The following DHX8 variants were observed in gnomAD, a reference collection of about 807,000 sequenced individuals.
The protein encoded by DHX8 is DEAH-box helicase 8.
In DHX8, 67 loss-of-function variants were observed where a neutral mutation model predicts 140.7. That is an observed-to-expected ratio of 0.48 (90% CI 0.39 to 0.58). The LOEUF (loss-of-function observed/expected upper bound fraction) is 0.58. DHX8 is among the 20% of genes least tolerant of loss of function. DHX8 has a pLI of 0.00. For synonymous variants in DHX8, 533 were observed against 553.2 expected (o/e 0.96, Z 0.51); for missense variants, 887 against 1,550.7 (o/e 0.57, Z 7.19).
chr17:43,521,277 T>C, intron 20 of DHX8, 92 bp from the exon 21 acceptor site: 2 of 1,099,738 alleles, frequency 1.8e-6, no homozygotes, highest in Middle Eastern at 2.8e-4. Flanking sequence ...GTGGACACTT[T>C]TGATAGGGTC....
At chr17:43,536,401 C>T in intron 2 of DHX8, 1 of 1,609,336 alleles carries the variant, frequency 6.2e-7, no homozygotes, top group East Asian at 2.2e-5. Context: ...CTCCCTATAC[C>T]CTCTCCCCAG....
rs147976544 is a variant in DHX8 at position 43,497,445 on chromosome 17, C to T, written c.1300+1177C>T. On this transcript the variant is annotated intron_variant, in intron 9 of 22. Coordinates refer to ENST00000262415, the MANE Select transcript of DHX8 (RefSeq NM_004941.3). ...CTTATGTGCAAAATGTTCTTTTTTC[C>T]CTAAATGCATAGAATTACTGGGTAG... Among the ~76,000 whole-genome samples the T allele has an allele frequency of 3.0e-3, 462 of 151,832 alleles. 3 individuals carry two copies. The highest frequency in any genetic ancestry group is 0.01 in the African/African-American group (432 of 41,438).
intron 11 of DHX8, among the ~76,000 whole-genome samples, chr17:43,501,073 A>G (rs1969166136): frequency 6.6e-6 from 1 of 152,098 alleles, no homozygotes; most frequent in South Asian, 2.1e-4. Flanking sequence ...AACAGATATG[A>G]TCCCTGCTTT....
At chr17:43,526,766 G>A, downstream of DHX8, 1 of 1,191,872 alleles carries the variant, frequency 8.4e-7, no homozygotes, top group Non-Finnish European at 1.1e-6. Flanking sequence ...GCTTTAATGT[G>A]GAATTAAATT....
intron 19 of DHX8, 151 bp from the exon 20 acceptor site, chr17:43,520,600 C>A: frequency 2.3e-6 from 2 of 886,536 alleles, no homozygotes; most frequent in East Asian, 2.6e-5. Flanking sequence ...GAATAAACAA[C>A]AGCATTCTTC....
In DHX8 at chr17:43,520,880, G is replaced by A; in HGVS notation, c.3066+1G>A. 6.2e-7 allele frequency: 1 copy of A among 1,606,732 alleles called. No homozygotes were observed. Among genetic ancestry groups the A allele is most frequent in the Non-Finnish European group, 8.5e-7 (1 of 1,177,032 alleles). The stretch of plus-strand genomic sequence containing the variant: ...GCAGAACGTCTTCTATAGGCCCAAG[G>A]TAGGAAGTTCAGATCCAAGTTTAGA... On this transcript the variant is annotated splice_donor_variant, in intron 20 of 22. Coordinates refer to ENST00000262415, the MANE Select transcript of DHX8 (RefSeq NM_004941.3). LOFTEE classifies it high-confidence loss of function.
chr17:43,499,929 A>G, intron 10 of DHX8, 27 bp from the exon 11 acceptor site: 2 of 1,611,966 alleles, frequency 1.2e-6, no homozygotes, highest in Non-Finnish European at 1.7e-6. Flanking sequence ...CATTTAATCC[A>G]TGTTGTTTTT....
chr17:43,507,104 G>A lies in DHX8; in HGVS notation c.1830G>A (p.Arg610=), dbSNP rs1030467213. The A allele has an allele frequency of 1.9e-6, 3 of 1,614,036 alleles. No individual in the cohort carries two copies. Among genetic ancestry groups the A allele is most frequent in the Non-Finnish European group, 2.5e-6 (3 of 1,180,018 alleles). ...TGGCGGAGGCAGGCTACACTTCCAG[G>A]GGCAAGATTGGGTGTACCCAGCCCA... The part of the protein sequence containing the change: ...QYLAEAGYTS[R]GKIGCTQPRR... Residue 610 remains arginine (R), a synonymous_variant, in exon 13 of 23, where the codon AGG becomes AGA. Coordinates refer to ENST00000262415, the MANE Select transcript of DHX8 (RefSeq NM_004941.3).
At chr17:43,517,461 G>T (rs908488187) in intron 18 of DHX8, 139 bp downstream of exon 18, 1 of 1,020,418 alleles carries the variant, frequency 9.8e-7, no homozygotes, top group South Asian at 1.8e-5. Flanking sequence ...AATGCAAATG[G>T]CTGTGATAAC....
intron 3 of DHX8, among the ~76,000 whole-genome samples, chr17:43,541,269 G>A (rs1014292759): frequency 1.3e-5 from 2 of 152,150 alleles, no homozygotes; most frequent in South Asian, 2.1e-4. Context: ...ACTGAGCCTC[G>A]CGTTCCTGGA....
At chr17:43,526,808 G>C (rs1217397954), downstream of DHX8, 2 of 858,336 alleles carry the variant, frequency 2.3e-6, no homozygotes, top group Non-Finnish European at 1.6e-6. Context: ...TTAAAATTTT[G>C]TTTCTTGCAC....
downstream of DHX8, among the ~76,000 whole-genome samples, chr17:43,531,560 T>A (rs186657504): frequency 2.9e-4 from 44 of 152,192 alleles, 1 homozygote; most frequent in Admixed American, 2.3e-3. Context: ...AAAAACTAGC[T>A]GGGCATGGTG....
Position 43,492,836 on chromosome 17 carries a change from C to CTAGATATCG in DHX8, c.660_668dup (p.Arg221_Arg223dup). On this transcript the variant is annotated inframe_insertion, in exon 6 of 23. Coordinates refer to ENST00000262415, the MANE Select transcript of DHX8 (RefSeq NM_004941.3). ...ACCCGGGAGAGGAATAAAGTGAAGT[C>CTAGATATCG]TAGATATCGGTCCAGGAGCAGGAGT... The CTAGATATCG allele has an allele frequency of 6.2e-7, 1 of 1,614,066 alleles. No homozygotes were observed.
intron 8 of DHX8, among the ~76,000 whole-genome samples, chr17:43,495,434 A>G (rs1298981812): frequency 6.6e-6 from 1 of 152,132 alleles, no homozygotes; most frequent in African/African-American, 2.4e-5. Flanking sequence ...ACATGCCACC[A>G]TGCCTGGCTA....
chr17:43,508,590 G>T, intron 16 of DHX8, 70 bp downstream of exon 16: 12 of 1,022,440 alleles, frequency 1.2e-5, no homozygotes, highest in South Asian at 1.5e-5. Flanking sequence ...GTCAGCCATA[G>T]TAGGGATTGC....
At chr17:43,513,759 G>A (rs889806694) in intron 17 of DHX8, among the ~76,000 whole-genome samples, 11 of 137,300 alleles carry the variant, frequency 8.0e-5, no homozygotes, top group African/African-American at 2.7e-4. Context: ...TGTTGCCCAG[G>A]CTGGAGTGCA....
Position 43,524,624 on chromosome 17 carries a change from A to G in DHX8, c.*777A>G, listed in dbSNP as rs568233802. 3 of 985,504 alleles carry G rather than the reference A, an allele frequency of 3.0e-6. No individual in the cohort carries two copies. Among genetic ancestry groups the G allele is most frequent in the Admixed American group, 6.1e-5 (1 of 16,286 alleles). The allele number at this position is 985,504 out of a possible 1,614,324, so 61.0% of individuals were successfully genotyped here. A position where few individuals can be genotyped will look rare whatever the true frequency, so the allele number is the denominator to read the frequency against. On this transcript the variant is annotated 3_prime_UTR_variant, in exon 23 of 23. Coordinates refer to ENST00000262415, the MANE Select transcript of DHX8 (RefSeq NM_004941.3). ...GCTACAGATGGCACATATTAAATAC[A>G]GAAGGTTTCCCCTTGCTCCCTCCAC...
chr17:43,494,247 G>T (rs1179834745), intron 8 of DHX8, among the ~76,000 whole-genome samples: 1 of 152,148 alleles, frequency 6.6e-6, no homozygotes, highest in Non-Finnish European at 1.5e-5. Flanking sequence ...CCATGATTCA[G>T]TTACCGTCCA....
chr17:43,535,680 G>C (rs1971202611), intron 2 of DHX8, among the ~76,000 whole-genome samples: 1 of 152,146 alleles, frequency 6.6e-6, no homozygotes, highest in Non-Finnish European at 1.5e-5. Context: ...GATGCTTTTA[G>C]CAGTATCCCT....
Sources: allele counts gnomAD v4.1 joint callset (sites outside exome capture counted in the v4.1 genomes callset), GRCh38; gene constraint gnomAD v4.1.1; transcripts MANE v1.5; gene names NCBI Gene and HGNC (gene_info 2026-07-23, HGNC 2026-07-21).